GNAQ: variants seen among roughly 807,000 people sequenced by gnomAD.
GNAQ encodes the protein G protein subunit alpha q.
GNAQ carries 8 observed loss-of-function variants against 43.9 expected under a neutral mutation model. The ratio of observed to expected loss-of-function variants is 0.18; its 90% confidence interval spans 0.11 to 0.33. The LOEUF (loss-of-function observed/expected upper bound fraction) is 0.33, where lower values mean the gene tolerates loss of function less well. GNAQ is among the 10% of genes least tolerant of loss of function. The pLI is 1.00. For missense variants in GNAQ, 158 were observed against 450.8 expected, an observed-to-expected ratio of 0.35 and a Z score of 5.88; for synonymous variants, 155 against 170.7, an observed-to-expected ratio of 0.91 and a Z score of 0.71.
At chr9:77,835,136 G>T (rs547733550) in intron 2 of GNAQ, among the ~76,000 whole-genome samples, 1 of 152,118 alleles carries the variant, frequency 6.6e-6, no homozygotes, top group East Asian at 1.9e-4. Context: ...GGTGAGGTGG[G>T]ATAGGGCAAG....
At chr9:77,877,867 A>C (rs1001450648) in intron 2 of GNAQ, among the ~76,000 whole-genome samples, 1 of 152,136 alleles carries the variant, frequency 6.6e-6, no homozygotes, top group African/African-American at 2.4e-5. Flanking sequence ...TACCTCCAAC[A>C]AGTTTGCCCC....
chr9:77,934,415 A>G (rs1459544183), intron 1 of GNAQ, among the ~76,000 whole-genome samples: 7 of 152,084 alleles, frequency 4.6e-5, no homozygotes, highest in African/African-American at 1.4e-4. Flanking sequence ...CAAGGTTAAT[A>G]TGTCAAGTTT....
intron 5 of GNAQ, among the ~76,000 whole-genome samples, chr9:77,772,540 G>GTTGC (rs1826242297): frequency 6.6e-6 from 1 of 152,192 alleles, no homozygotes; most frequent in Non-Finnish European, 1.5e-5. Flanking sequence ...GAGTGGAATA[G>GTTGC]AAACTCCCTT....
At chr9:77,775,409 C>CTTTT (rs555902583) in intron 5 of GNAQ, among the ~76,000 whole-genome samples, 2 of 130,964 alleles carry the variant, frequency 1.5e-5, no homozygotes, top group Non-Finnish European at 1.6e-5. Context: ...CCTCATCTCT[C>CTTTT]TTTTTTTTTT....
chr9:77,837,574 T>A (rs11145580), intron 2 of GNAQ, among the ~76,000 whole-genome samples: 81,550 of 151,468 alleles, frequency 0.54, 24,839 homozygotes, highest in Non-Finnish European at 0.68. Context: ...AGATTTTTTT[T>A]AAAAAAGCTG....
intron 1 of GNAQ, among the ~76,000 whole-genome samples, chr9:77,973,158 A>G (rs1447384681): frequency 1.3e-5 from 2 of 152,134 alleles, no homozygotes; most frequent in African/African-American, 2.4e-5. Context: ...ATTTTATATG[A>G]AGAATAAATG....
At chr9:77,864,310 A>T (rs1231713628) in intron 2 of GNAQ, among the ~76,000 whole-genome samples, 3 of 152,150 alleles carry the variant, frequency 2.0e-5, no homozygotes, top group African/African-American at 7.2e-5. Context: ...CTCCACCTCC[A>T]ACACTTGGGG....
intron 3 of GNAQ, among the ~76,000 whole-genome samples, chr9:77,812,807 ATTCAC>A (rs1455476270): frequency 6.6e-6 from 1 of 152,120 alleles, no homozygotes; most frequent in African/African-American, 2.4e-5. Context: ...TGTTGTTAGA[ATTCAC>A]TTTATTACTT....
At chr9:77,934,697 A>C (rs1038980114) in intron 1 of GNAQ, among the ~76,000 whole-genome samples, 1 of 152,250 alleles carries the variant, frequency 6.6e-6, no homozygotes, top group Non-Finnish European at 1.5e-5. Flanking sequence ...TAATACGCAT[A>C]CAACCACAAA....
At chr9:77,901,105 C>A (rs4745674) in intron 2 of GNAQ, among the ~76,000 whole-genome samples, 88,556 of 151,520 alleles carry the variant, frequency 0.58, 27,446 homozygotes, top group South Asian at 0.71. Flanking sequence ...CTCCTCACTC[C>A]TGGTCACGAT....
At chr9:77,736,042 T>C (rs1306811051) in intron 5 of GNAQ, among the ~76,000 whole-genome samples, 2 of 152,210 alleles carry the variant, frequency 1.3e-5, no homozygotes, top group Non-Finnish European at 2.9e-5. Flanking sequence ...AATTTGCTCC[T>C]CTCAAATCTC....
chr9:77,987,462 G>C (rs1823455286), intron 1 of GNAQ, among the ~76,000 whole-genome samples: 1 of 152,188 alleles, frequency 6.6e-6, no homozygotes, highest in South Asian at 2.1e-4. Flanking sequence ...GACAGAAAAG[G>C]ACTGGACACC....
intron 5 of GNAQ, among the ~76,000 whole-genome samples, chr9:77,782,836 G>C (rs1826415767): frequency 6.6e-6 from 1 of 152,204 alleles, no homozygotes; most frequent in Non-Finnish European, 1.5e-5. Context: ...GCCATGAAAA[G>C]ACATGGAGGA....
intron 2 of GNAQ, among the ~76,000 whole-genome samples, chr9:77,857,938 T>A (rs1477478043): frequency 6.6e-6 from 1 of 152,114 alleles, no homozygotes; most frequent in East Asian, 1.9e-4. Flanking sequence ...TTCTTTTTAT[T>A]TCCTTACAAA....
intron 1 of GNAQ, among the ~76,000 whole-genome samples, chr9:77,947,316 T>C (rs555819093): frequency 6.6e-6 from 1 of 152,290 alleles, no homozygotes; most frequent in East Asian, 1.9e-4. Context: ...GGACTGTACT[T>C]CCCAGGGGCA....
At chr9:77,963,518 T>C (rs981201556) in intron 1 of GNAQ, among the ~76,000 whole-genome samples, 2 of 151,962 alleles carry the variant, frequency 1.3e-5, no homozygotes, top group African/African-American at 2.4e-5. Flanking sequence ...AAATGAAACA[T>C]GGCCTTACCA....
chr9:77,757,310 G>A (rs1358004469), intron 5 of GNAQ, among the ~76,000 whole-genome samples: 1 of 152,050 alleles, frequency 6.6e-6, no homozygotes, highest in Non-Finnish European at 1.5e-5. Flanking sequence ...AACCTATGAT[G>A]ACTATACTCA....
At chr9:77,877,502 GACTCCTGT>G (rs1231866985) in intron 2 of GNAQ, among the ~76,000 whole-genome samples, 1 of 152,130 alleles carries the variant, frequency 6.6e-6, no homozygotes, top group African/African-American at 2.4e-5. Context: ...CATTTATTGA[GACTCCTGT>G]ATTATTTTTC....
At chr9:77,904,317 C>CTTTTTTTTTTTTTTTTT (rs554783626) in intron 2 of GNAQ, among the ~76,000 whole-genome samples, 2 of 77,430 alleles carry the variant, frequency 2.6e-5, no homozygotes, top group African/African-American at 5.7e-5. Flanking sequence ...TTCACACCGG[C>CTTTTTTTTTTTTTTTTT]TTTTTTTTTT....
Sources: gnomAD v4.1 joint callset for allele counts (sites outside exome capture counted in the v4.1 genomes callset) on GRCh38, gnomAD v4.1.1 for gene constraint, MANE v1.5 for transcripts, NCBI Gene and HGNC (gene_info 2026-07-23, HGNC 2026-07-21) for gene names.